The following ATP11A variants were observed in gnomAD, a reference collection of about 807,000 sequenced individuals.
ATP11A encodes the protein ATPase phospholipid transporting 11A.
ATP11A carries 81 observed loss-of-function variants against 154.4 expected under a neutral mutation model. That is an observed-to-expected ratio of 0.52 (90% CI 0.44 to 0.63). ATP11A has a LOEUF of 0.63. ATP11A is among the 30% of genes least tolerant of loss of function. The pLI is 0.00. For synonymous variants in ATP11A, 623 were observed against 585.9 expected (o/e 1.06, Z -0.91); for missense variants, 1,316 against 1,474.3 (o/e 0.89, Z 1.76).
intron 2 of ATP11A, among the ~76,000 whole-genome samples, chr13:112,803,928 TC>T (rs1439495467): frequency 4.7e-5 from 2 of 42,858 alleles, no homozygotes; most frequent in African/African-American, 9.0e-5. Context: ...CCCCATCCCC[TC>T]TCTGCCCTCC....
At position 112,834,762 on chromosome 13, in the gene ATP11A, C is replaced by T. The variant is rs1020888408; in HGVS notation, c.1631+102C>T. 4.3e-6 allele frequency: 4 copies of T among 934,030 alleles called. No homozygotes were observed. The African/African-American group carries it at 6.6e-5, about 15-fold the overall frequency. 57.9% of individuals were successfully genotyped at this position (934,030 alleles called of 1,614,324 possible). Reference sequence around the variant, plus strand: ...GGAAAAGACAAGTTCTCTATGTTCTCCCACAATTCGCTTCCTCTCCTTCCC... The same window carrying T: ...GGAAAAGACAAGTTCTCTATGTTCTTCCACAATTCGCTTCCTCTCCTTCCC... On this transcript the variant is annotated intron_variant, in intron 15 of 29. Transcript: ENST00000375645.
At chr13:112,765,103 T>G (rs973064390) in intron 1 of ATP11A, among the ~76,000 whole-genome samples, 1 of 152,018 alleles carries the variant, frequency 6.6e-6, no homozygotes, top group African/African-American at 2.4e-5. Flanking sequence ...ATGGGGTGAG[T>G]GCTTCCCAGC....
intron 8 of ATP11A, 129 bp downstream of exon 8, chr13:112,820,079 A>G (rs1450414873): frequency 2.2e-6 from 2 of 892,894 alleles, no homozygotes; most frequent in South Asian, 1.8e-5. Flanking sequence ...CCGCTTTCCC[A>G]CAGGGCCGGG....
At chr13:112,771,790 G>C (rs2077231118) in intron 1 of ATP11A, among the ~76,000 whole-genome samples, 1 of 152,198 alleles carries the variant, frequency 6.6e-6, no homozygotes, top group Non-Finnish European at 1.5e-5. Flanking sequence ...CATAGTAATA[G>C]TATACCTAAT....
rs1885807105 is a variant in ATP11A, at chr13:112,696,391, C to G, written c.39+5936C>G. Among the ~76,000 whole-genome samples, 1 of 152,048 alleles carries G rather than the reference C, an allele frequency of 6.6e-6. No homozygotes were observed. The highest frequency in any genetic ancestry group is 2.1e-4 in the South Asian group (1 of 4,816). ...AGAGCGGTGGTCACTGGTGGGAACG[C>G]CCCTGCCACGCCCAGCAGCCTTTCT... On this transcript the variant is annotated intron_variant, in intron 1 of 29. Transcript: ENST00000375645. The surrounding 1 kb of genome is among the most constrained non-coding windows in gnomAD (Gnocchi z 6.2).
chr13:112,871,061 G>T (rs953349844), intron 25 of ATP11A, among the ~76,000 whole-genome samples: 46 of 152,228 alleles, frequency 3.0e-4, no homozygotes, highest in Admixed American at 2.6e-4. Flanking sequence ...GTCCAGCCCT[G>T]TCCTGTCTGC....
At chr13:112,704,119 C>G (rs192872543) in intron 1 of ATP11A, among the ~76,000 whole-genome samples, 6 of 152,324 alleles carry the variant, frequency 3.9e-5, no homozygotes, top group Admixed American at 3.9e-4. Context: ...CACGGGAGGG[C>G]TCGAGTGCCA....
chr13:112,807,554 C>A lies in ATP11A; in HGVS notation c.333+1261C>A, dbSNP rs1477052991. 6.6e-6 allele frequency among the ~76,000 whole-genome samples: 1 copy of A among 152,188 alleles called. No individual in the cohort carries two copies. The highest frequency in any genetic ancestry group is 1.5e-5 in the Non-Finnish European group (1 of 68,036). On this transcript the variant is annotated intron_variant, in intron 4 of 29. Coordinates refer to ENST00000375645, the MANE Select transcript of ATP11A (RefSeq NM_015205.3). The surrounding 1 kb of genome is among the most constrained non-coding windows in gnomAD (Gnocchi z 4.5). ...TGCCTGTGACTCAGGCAGTTTAACT[C>A]CTACCTGGGATAAGGCCTCACTTCA... is the stretch of plus-strand genomic sequence containing the variant.
Position 112,867,051 on chromosome 13 carries a change from C to T in ATP11A, c.2991+4476C>T, listed in dbSNP as rs541390706. ...CCGAGTTGGGCTTACGTAAGCATCT[C>T]GCGTAGCCCTTAAGAGAGAACTAAG... On this transcript the variant is annotated intron_variant, in intron 25 of 29. Coordinates refer to ENST00000375645, the MANE Select transcript of ATP11A (RefSeq NM_015205.3). 3.9e-3 allele frequency among the ~76,000 whole-genome samples: 24 copies of T among 6,188 alleles called. No homozygotes were observed. In the South Asian group the frequency reaches 0.23, roughly 58 times the overall value. The allele number at this position is 6,188 out of a possible 152,430, so 4.1% of individuals were successfully genotyped here. A position where few individuals can be genotyped will look rare whatever the true frequency, so the allele number is the denominator to read the frequency against.
At chr13:112,769,857 T>C (rs980353080) in intron 1 of ATP11A, among the ~76,000 whole-genome samples, 6 of 152,338 alleles carry the variant, frequency 3.9e-5, no homozygotes, top group African/African-American at 1.4e-4. Flanking sequence ...TTCCCAGCAC[T>C]TCCCGTGCCA....
At position 112,882,169 on chromosome 13, in the gene ATP11A, G is replaced by A. The variant is rs536435173; in HGVS notation, c.*303G>A. 6.7e-5 allele frequency: 86 copies of A among 1,279,886 alleles called. No homozygotes were observed. Among genetic ancestry groups the A allele is most frequent in the South Asian group, 1.2e-4 (9 of 78,086 alleles). The allele number at this position is 1,279,886 out of a possible 1,614,324, so 79.3% of individuals were successfully genotyped here. A position where few individuals can be genotyped will look rare whatever the true frequency, so the allele number is the denominator to read the frequency against. ...TGCCCTCGAGCATGGCACCCTGGCC[G>A]CCTGGACCCAGCACTGTGGTTGTTG... On this transcript the variant is annotated 3_prime_UTR_variant, in exon 30 of 30. Transcript: ENST00000375645. This position sits in a 1 kb window ranked among gnomAD's most constrained non-coding sequence, Gnocchi z 5.1.
At chr13:112,864,262 A>C (rs1430922912) in intron 25 of ATP11A, among the ~76,000 whole-genome samples, 1 of 113,316 alleles carries the variant, frequency 8.8e-6, no homozygotes, top group African/African-American at 3.3e-5. Context: ...AGCGGGGTCC[A>C]TCACCACCTG....
chr13:112,766,408 G>C (rs1834278830), intron 1 of ATP11A, among the ~76,000 whole-genome samples: 1 of 152,190 alleles, frequency 6.6e-6, no homozygotes, highest in African/African-American at 2.4e-5. Context: ...ACCTGTGCTG[G>C]GGGGAGAAGC....
intron 1 of ATP11A, chr13:112,717,709 G>T (rs371070351): frequency 2.6e-5 from 4 of 152,222 alleles, no homozygotes; most frequent in African/African-American, 7.2e-5. Flanking sequence ...AGTTATGGTC[G>T]TAGGTGAGAA....
At chr13:112,848,904 T>G (rs1361852739) in intron 17 of ATP11A, among the ~76,000 whole-genome samples, 2 of 152,206 alleles carry the variant, frequency 1.3e-5, no homozygotes, top group Non-Finnish European at 2.9e-5. Flanking sequence ...GCCAGTCTGG[T>G]CTTGAATTCC....
At chr13:112,781,964 G>A (rs989591098) in intron 1 of ATP11A, among the ~76,000 whole-genome samples, 1 of 152,168 alleles carries the variant, frequency 6.6e-6, no homozygotes, top group Non-Finnish European at 1.5e-5. Context: ...TCTGGTGTCT[G>A]TTATGCTGAC....
intron 1 of ATP11A, among the ~76,000 whole-genome samples, chr13:112,721,112 C>G (rs1048713889): frequency 2.6e-5 from 4 of 152,136 alleles, no homozygotes; most frequent in Non-Finnish European, 5.9e-5. Context: ...TAAGGCCAGT[C>G]CTCTGTCCGG....
intron 1 of ATP11A, among the ~76,000 whole-genome samples, chr13:112,723,234 A>C (rs1397167601): frequency 2.7e-5 from 4 of 145,848 alleles, no homozygotes; most frequent in African/African-American, 1.0e-4. Flanking sequence ...TGTGGAGACC[A>C]GGGCTTTATC....
intron 25 of ATP11A, among the ~76,000 whole-genome samples, chr13:112,867,604 G>A (rs1002713206): frequency 4.6e-5 from 7 of 152,216 alleles, no homozygotes; most frequent in African/African-American, 1.2e-4. Flanking sequence ...AGCTGCACCT[G>A]GTGGTCAGTG....
Sources: gnomAD v4.1 joint callset for allele counts (sites outside exome capture counted in the v4.1 genomes callset) on GRCh38, gnomAD v4.1.1 for gene constraint, Gnocchi (gnomAD v3.1) non-coding constraint, MANE v1.5 for transcripts, NCBI Gene and HGNC (gene_info 2026-07-23, HGNC 2026-07-21) for gene names.